The following PCDH15 variants were observed in gnomAD, a reference collection of about 807,000 sequenced individuals.
PCDH15 encodes protocadherin-15.
PCDH15 carries 129 observed loss-of-function variants against 178.5 expected under a neutral mutation model. That is an observed-to-expected ratio of 0.72 (90% CI 0.63 to 0.84). The LOEUF is 0.84. Among genes scored for constraint, PCDH15 ranks in the 40% least tolerant of loss-of-function variants. The pLI is 0.00. For missense variants in PCDH15, 2,230 were observed against 2,099.9 expected (o/e 1.06, Z -1.21); for synonymous variants, 800 against 732.0 (o/e 1.09, Z -1.50).
chr10:54,079,274 ACT>A (rs2094397078), intron 17 of PCDH15, 55 bp downstream of exon 17: 3 of 1,431,066 alleles, frequency 2.1e-6, no homozygotes, highest in African/African-American at 2.8e-5. Context: ...ATTGTTTAAG[ACT>A]CTCTCAGTTG....
chr10:54,020,199 A>G lies in PCDH15; in HGVS notation c.2744T>C (p.Ile915Thr), dbSNP rs2092871523. 6.8e-6 allele frequency: 11 copies of G among 1,613,558 alleles called. No homozygotes were observed. Among genetic ancestry groups the G allele is most frequent in the Non-Finnish European group, 9.3e-6 (11 of 1,179,660 alleles). Reference protein sequence around the residue: ...MPPGIATVTVIVKDMNDYPPV... With the variant: ...MPPGIATVTVTVKDMNDYPPV... The stretch of plus-strand genomic sequence containing the variant: ...GTCATCTCTAGCCCTTACCTTTACA[A>G]TCACTGTGACAGTAGCAATACCAGG... Residue 915 changes from isoleucine (I) to threonine (T), a missense_variant, in exon 20 of 38, where the codon ATT becomes ACT. Coordinates refer to ENST00000644397, the MANE Select transcript of PCDH15 (RefSeq NM_001384140.1).
chr10:54,169,939 CA>C (rs1452788960), intron 13 of PCDH15, among the ~76,000 whole-genome samples: 13 of 150,982 alleles, frequency 8.6e-5, no homozygotes, highest in Middle Eastern at 6.8e-3. Context: ...CCCGTGCTGC[CA>C]AACCCATATA....
chr10:55,107,969 A>G (rs1278265626), intron 2 of PCDH15, among the ~76,000 whole-genome samples: 1 of 152,134 alleles, frequency 6.6e-6, no homozygotes, highest in Non-Finnish European at 1.5e-5. Flanking sequence ...GAGATGAGAC[A>G]TTTGGAAGGC....
At chr10:54,985,278 T>C in intron 2 of PCDH15, among the ~76,000 whole-genome samples, 1 of 152,142 alleles carries the variant, frequency 6.6e-6, no homozygotes, top group East Asian at 1.9e-4. Context: ...AGATATGGAC[T>C]CTCAATAAAA....
intron 1 of PCDH15, among the ~76,000 whole-genome samples, chr10:54,672,916 T>C (rs2094702646): frequency 6.6e-6 from 1 of 152,102 alleles, no homozygotes; most frequent in African/African-American, 2.4e-5. Context: ...TTTAAGTAGG[T>C]GACAGATTTA....
chr10:55,314,199 GTA>G (rs34097929), intron 1 of PCDH15, among the ~76,000 whole-genome samples: 29,936 of 142,600 alleles, frequency 0.21, 3,277 homozygotes, highest in Middle Eastern at 0.33. Context: ...ATGTTTGTGT[GTA>G]TATATATATA....
intron 3 of PCDH15, among the ~76,000 whole-genome samples, chr10:54,464,276 T>C (rs1461074782): frequency 1.3e-5 from 2 of 152,126 alleles, no homozygotes; most frequent in Admixed American, 6.6e-5. Flanking sequence ...AGGTTATAAA[T>C]GACTAAAACA....
At chr10:53,949,345 A>G (rs1483795969) in intron 23 of PCDH15, among the ~76,000 whole-genome samples, 1 of 152,248 alleles carries the variant, frequency 6.6e-6, no homozygotes, top group Non-Finnish European at 1.5e-5. Context: ...ATTAAAATAG[A>G]AAACAATTTT....
chr10:54,389,106 T>C (rs945988429), intron 3 of PCDH15, among the ~76,000 whole-genome samples: 4 of 151,770 alleles, frequency 2.6e-5, no homozygotes, highest in African/African-American at 9.7e-5. Context: ...AAGCCCATTC[T>C]GTTACAGCGT....
chr10:54,794,513 T>C lies in PCDH15; in HGVS notation c.-29+6412A>G, dbSNP rs374872403. On this transcript the variant is annotated intron_variant, in intron 1 of 37. Transcript: ENST00000644397. ...TTTTTGAAAAATATTAGCACACCAA[T>C]GCAACTATAGCTAATGTTCCAAATG... is the stretch of plus-strand genomic sequence containing the variant. Among the ~76,000 whole-genome samples the C allele has an allele frequency of 1.6e-3, 245 of 151,966 alleles. 3 individuals are homozygous for C. The highest frequency in any genetic ancestry group is 5.3e-3 in the African/African-American group (220 of 41,528).
chr10:55,249,404 A>T (rs1226380745), intron 1 of PCDH15, among the ~76,000 whole-genome samples: 1 of 152,210 alleles, frequency 6.6e-6, no homozygotes, highest in African/African-American at 2.4e-5. Context: ...TCATCTACCT[A>T]TATGTAATTA....
intron 17 of PCDH15, 119 bp downstream of exon 17, chr10:54,079,212 T>C (rs1262621583): frequency 3.0e-6 from 3 of 985,046 alleles, no homozygotes; most frequent in Non-Finnish European, 4.9e-6. Context: ...ACACTTCTAG[T>C]AATTATAAGA....
intron 1 of PCDH15, among the ~76,000 whole-genome samples, chr10:55,257,402 G>A (rs551023730): frequency 9.2e-5 from 14 of 152,102 alleles, no homozygotes; most frequent in Non-Finnish European, 1.3e-4. Flanking sequence ...AGAGAAGAAG[G>A]CTTCAGACGA....
At chr10:55,370,524 A>T (rs1191679703) in intron 2 of PCDH15, among the ~76,000 whole-genome samples, 1 of 152,106 alleles carries the variant, frequency 6.6e-6, no homozygotes, top group African/African-American at 2.4e-5. Flanking sequence ...TTGGTTTTGC[A>T]ACCAACTGTT....
intron 9 of PCDH15, among the ~76,000 whole-genome samples, chr10:54,221,855 G>A (rs1180652585): frequency 3.3e-5 from 5 of 152,092 alleles, no homozygotes; most frequent in Non-Finnish European, 7.4e-5. Flanking sequence ...CACTGGCCTC[G>A]GCCTCCCAAT....
chr10:54,735,434 C>T (rs1943971255), intron 1 of PCDH15, among the ~76,000 whole-genome samples: 1 of 151,546 alleles, frequency 6.6e-6, no homozygotes, highest in Non-Finnish European at 1.5e-5. Context: ...TAAACTAGTT[C>T]AACCATTGTG....
chr10:53,851,733 C>T (rs1278066091), intron 28 of PCDH15, among the ~76,000 whole-genome samples: 2 of 135,610 alleles, frequency 1.5e-5, no homozygotes, highest in African/African-American at 2.7e-5. Context: ...TTTACACACA[C>T]ACATATATAC....
intron 1 of PCDH15, among the ~76,000 whole-genome samples, chr10:54,781,239 A>G (rs1950331707): frequency 6.6e-6 from 1 of 152,024 alleles, no homozygotes; most frequent in South Asian, 2.1e-4. Flanking sequence ...ATAGGTATAC[A>G]CTTGCTATGG....
chr10:53,990,143 G>A (rs576609263), intron 21 of PCDH15, among the ~76,000 whole-genome samples: 1 of 152,146 alleles, frequency 6.6e-6, no homozygotes, highest in South Asian at 2.1e-4. Flanking sequence ...TAGAAAAGAA[G>A]ATCTAGCCAT....
Sources: allele counts gnomAD v4.1 joint callset (sites outside exome capture counted in the v4.1 genomes callset), GRCh38; gene constraint gnomAD v4.1.1; transcripts MANE v1.5; gene names NCBI Gene and HGNC (gene_info 2026-07-23, HGNC 2026-07-21).